Variants in NEFH observed in about 807,000 individuals in gnomAD.
The protein encoded by NEFH is neurofilament heavy chain, also known as neurofilament heavy polypeptide.
A neutral mutation model predicts 56.6 loss-of-function variants in NEFH; 58 were observed. That is an observed-to-expected ratio of 1.03 (90% CI 0.83 to 1.28). The LOEUF (loss-of-function observed/expected upper bound fraction) is 1.28. Among genes scored for constraint, NEFH ranks in the 50% most tolerant of loss-of-function variants. NEFH has a pLI of 0.00. For synonymous variants in NEFH, 542 were observed against 545.8 expected (o/e 0.99, Z 0.10); for missense variants, 1,221 against 1,307.6 (o/e 0.93, Z 1.02).
chr22:29,483,328 C>T (rs763753346), intron 1 of NEFH, 47 bp from the exon 2 acceptor site: 2 of 1,557,032 alleles, frequency 1.3e-6, no homozygotes, highest in Non-Finnish European at 1.8e-6. Flanking sequence ...GCATTAGAAC[C>T]CAGTCCAGGT....
rs1260916070 is a variant in NEFH at position 29,483,381 on chromosome 22, TGGACCGACTGTC to T, written c.894_905del (p.Asp298_Ser301del). 1 of 1,613,654 alleles carries T rather than the reference TGGACCGACTGTC, an allele frequency of 6.2e-7. No homozygotes were observed. Among genetic ancestry groups the T allele is most frequent in the Non-Finnish European group, 8.5e-7 (1 of 1,180,018 alleles). ...CTGCTACCTTCTCCCCCAGTGAGGC[TGGACCGACTGTC>T]GGAGGCAGCCAAGGTGAACACAGAC... On this transcript the variant is annotated inframe_deletion, in exon 2 of 4. Transcript: ENST00000310624.
At position 29,486,742 on chromosome 22, in the gene NEFH, C is replaced by T. The variant is rs998213301; in HGVS notation, c.1208+895C>T. 5.9e-5 allele frequency among the ~76,000 whole-genome samples: 9 copies of T among 152,076 alleles called. 1 individual carries two copies. The highest frequency in any genetic ancestry group is 9.7e-5 in the African/African-American group (4 of 41,426). On this transcript the variant is annotated intron_variant, in intron 3 of 3. Transcript: ENST00000310624. ...CTCGCTATGTTGGCCAGGCTGGTCT[C>T]GAACTCCTGACCTCAGGTGATCCGC...
intron 3 of NEFH, among the ~76,000 whole-genome samples, chr22:29,487,212 G>C (rs923314074): frequency 2.0e-5 from 3 of 152,136 alleles, no homozygotes; most frequent in Admixed American, 6.6e-5. Flanking sequence ...GATTCCCTGA[G>C]GACTTGTCCC....
At position 29,491,063 on chromosome 22, in the gene NEFH, T is replaced by C. The variant is rs2063079000; in HGVS notation, c.*360T>C. ...TGCAACTGACAGATGACCGCAATAA[T>C]GAATGAGCAGTTAGAAATACATTAT... On this transcript the variant is annotated 3_prime_UTR_variant, in exon 4 of 4. Coordinates refer to ENST00000310624, the MANE Select transcript of NEFH (RefSeq NM_021076.4). 1 of 385,036 alleles carries C rather than the reference T, an allele frequency of 2.6e-6. No individual in the cohort carries two copies. Among genetic ancestry groups the C allele is most frequent in the South Asian group, 2.2e-5 (1 of 46,362 alleles). The allele number at this position is 385,036 out of a possible 1,614,324, so 23.9% of individuals were successfully genotyped here. A position where few individuals can be genotyped will look rare whatever the true frequency, so the allele number is the denominator to read the frequency against.
At chr22:29,482,500 CTAGGTGGAGA>C (rs2063018026) in intron 1 of NEFH, among the ~76,000 whole-genome samples, 1 of 152,208 alleles carries the variant, frequency 6.6e-6, no homozygotes, top group Non-Finnish European at 1.5e-5. Context: ...CAATGCTCAG[CTAGGTGGAGA>C]AAGGGACAGG....
intron 2 of NEFH, among the ~76,000 whole-genome samples, chr22:29,483,960 G>A (rs1003032258): frequency 5.3e-5 from 8 of 151,678 alleles, no homozygotes; most frequent in East Asian, 1.9e-4. Flanking sequence ...AGAGATTCTC[G>A]TGCCTCAGCC....
Position 29,482,179 on chromosome 22 carries a change from C to T in NEFH, c.883+1034C>T, listed in dbSNP as rs577782932. ...ATTTTGATGCATAGCTTTTTCTGTT[C>T]CTTTTCCACTCCTCTGCAGAGCAGA... is the stretch of plus-strand genomic sequence containing the variant. On this transcript the variant is annotated intron_variant, in intron 1 of 3. Coordinates refer to ENST00000310624, the MANE Select transcript of NEFH (RefSeq NM_021076.4). Among the ~76,000 whole-genome samples, 954 of 152,266 alleles carry T rather than the reference C, an allele frequency of 6.3e-3. 5 individuals are homozygous for T. Among genetic ancestry groups the T allele is most frequent in the Non-Finnish European group, 9.7e-3 (662 of 68,026 alleles).
intron 1 of NEFH, among the ~76,000 whole-genome samples, chr22:29,481,821 C>T (rs2063012644): frequency 1.3e-5 from 2 of 152,250 alleles, no homozygotes; most frequent in East Asian, 1.9e-4. Flanking sequence ...CCCAAGTCTG[C>T]CCCTCCCCCA....
In NEFH at chr22:29,485,623, G is replaced by T; in HGVS notation, c.1084-100G>T. On this transcript the variant is annotated intron_variant, in intron 2 of 3. Transcript: ENST00000310624. ...GGGGTTGGCCCCAGTGAGCCTGGCT[G>T]GATGGGCCTGCTCTGGGGTCGCACA... 3.4e-6 allele frequency: 5 copies of T among 1,471,594 alleles called. No individual in the cohort carries two copies. In the South Asian group the frequency reaches 3.6e-5, roughly 11 times the overall value. The allele number at this position is 1,471,594 out of a possible 1,614,324, so 91.2% of individuals were successfully genotyped here.
Position 29,490,809 on chromosome 22 carries a change from A to C in NEFH, c.*106A>C, listed in dbSNP as rs771159816. On this transcript the variant is annotated 3_prime_UTR_variant, in exon 4 of 4. Transcript: ENST00000310624. ...TCACTTTTTCTGTCTTTATGTAAGAAGAAACTGCTTAGATGACGGGGCCTC... is the reference window on the plus strand; with the variant it reads ...TCACTTTTTCTGTCTTTATGTAAGACGAAACTGCTTAGATGACGGGGCCTC... 4 of 1,555,380 alleles carry C rather than the reference A, an allele frequency of 2.6e-6. No homozygotes were observed. Among genetic ancestry groups the C allele is most frequent in the Non-Finnish European group, 8.7e-7 (1 of 1,152,492 alleles).
intron 1 of NEFH, among the ~76,000 whole-genome samples, chr22:29,483,076 C>T (rs1327723164): frequency 6.6e-6 from 1 of 152,062 alleles, no homozygotes; most frequent in African/African-American, 2.4e-5. Context: ...GTCAGGAGTT[C>T]AAGACCGCCT....
At chr22:29,483,822 T>C (rs1473348769) in intron 2 of NEFH, among the ~76,000 whole-genome samples, 1 of 129,862 alleles carries the variant, frequency 7.7e-6, no homozygotes, top group African/African-American at 2.9e-5. Flanking sequence ...ATTAAAGAGA[T>C]AGACTTTTAT....
Position 29,490,177 on chromosome 22 carries a change from A to C in NEFH, c.2537A>C (p.Lys846Thr), listed in dbSNP as rs1261400541. The C allele has an allele frequency of 1.2e-6, 2 of 1,612,348 alleles. No individual in the cohort carries two copies. The highest frequency in any genetic ancestry group is 1.3e-5 in the African/African-American group (1 of 74,876). Reference sequence around the variant, plus strand: ...CCCCCAAAGAAGGCAGAGGAAGAGAAAGCCCCTGCCACACCAAAAACAGAG... The same window carrying C: ...CCCCCAAAGAAGGCAGAGGAAGAGACAGCCCCTGCCACACCAAAAACAGAG... ...KEPPKKAEEE[K>T]APATPKTEEK... is the part of the protein sequence containing the mutation. The change falls in exon 4 of 4, where the codon AAA (lysine) becomes ACA (threonine). Residue 846 changes from lysine to threonine, a missense_variant. Transcript: ENST00000310624.
chr22:29,485,575 G>A, intron 2 of NEFH, 148 bp from the exon 3 acceptor site: 1 of 881,672 alleles, frequency 1.1e-6, no homozygotes, highest in Non-Finnish European at 1.8e-6. Flanking sequence ...CACTAATGAG[G>A]ACCCTACAGC....
At chr22:29,485,403 TCAC>T (rs2063038654) in intron 2 of NEFH, among the ~76,000 whole-genome samples, 1 of 152,180 alleles carries the variant, frequency 6.6e-6, no homozygotes, top group Non-Finnish European at 1.5e-5. Context: ...ACTCCCGGCC[TCAC>T]TGAGCACTTT....
Position 29,489,983 on chromosome 22 carries a change from C to T in NEFH, c.2343C>T (p.Phe781=). ...KEEARSPADK[F]PEKAKSPVKE... ...AAGCAAGGTCCCCTGCAGACAAATT[C>T]CCTGAAAAGGCCAAAAGCCCTGTCA... The change falls in exon 4 of 4, where the codon TTC becomes TTT. Residue 781 remains phenylalanine (F), a synonymous_variant. Coordinates refer to ENST00000310624, the MANE Select transcript of NEFH (RefSeq NM_021076.4). The T allele has an allele frequency of 6.2e-7, 1 of 1,613,620 alleles. No homozygotes were observed. Among genetic ancestry groups the T allele is most frequent in the African/African-American group, 1.3e-5 (1 of 74,846 alleles).
chr22:29,484,919 T>C (rs1050640507), intron 2 of NEFH, among the ~76,000 whole-genome samples: 2 of 152,060 alleles, frequency 1.3e-5, no homozygotes, highest in Non-Finnish European at 2.9e-5. Context: ...ACTAAAGTCT[T>C]GTACTTCCGG....
intron 2 of NEFH, among the ~76,000 whole-genome samples, chr22:29,484,895 C>T (rs566334659): frequency 4.6e-5 from 7 of 151,730 alleles, no homozygotes; most frequent in African/African-American, 1.5e-4. Context: ...AATGTGACAG[C>T]GAGATCATAG....
chr22:29,489,993 G>T lies in NEFH; in HGVS notation c.2353G>T (p.Ala785Ser), dbSNP rs2063070680. 1 of 1,613,552 alleles carries T rather than the reference G, an allele frequency of 6.2e-7. No individual in the cohort carries two copies. Among genetic ancestry groups the T allele is most frequent in the Non-Finnish European group, 8.5e-7 (1 of 1,179,920 alleles). ...RSPADKFPEKAKSPVKEEVKS... is the reference protein window; with the variant it reads ...RSPADKFPEKSKSPVKEEVKS... The stretch of plus-strand genomic sequence containing the variant: ...CCCTGCAGACAAATTCCCTGAAAAG[G>T]CCAAAAGCCCTGTCAAGGAGGAGGT... Residue 785 changes from alanine to serine, a missense_variant, in exon 4 of 4, where the codon GCC becomes TCC. By Grantham distance (99) the Ala-to-Ser change is moderately conservative (BLOSUM62 1). Transcript: ENST00000310624.
Sources: gnomAD v4.1 joint callset for allele counts (sites outside exome capture counted in the v4.1 genomes callset) on GRCh38, gnomAD v4.1.1 for gene constraint, MANE v1.5 for transcripts, NCBI Gene and HGNC (gene_info 2026-07-23, HGNC 2026-07-21) for gene names.